The following HPSE2 variants were observed in gnomAD, a reference collection of about 807,000 sequenced individuals.
HPSE2 encodes the protein heparanase 2 (inactive).
In HPSE2, 38 loss-of-function variants were observed where a neutral mutation model predicts 60.5. The observed-to-expected ratio is 0.63, with a 90% confidence interval of 0.48 to 0.82. HPSE2 has a LOEUF of 0.82. Among genes scored for constraint, HPSE2 ranks in the 40% least tolerant of loss-of-function variants. HPSE2 has a pLI of 0.00. For synonymous variants in HPSE2, 295 were observed against 293.2 expected (o/e 1.01, Z -0.06); for missense variants, 713 against 740.4 (o/e 0.96, Z 0.43).
chr10:98,667,018 C>T (rs1947380902), intron 6 of HPSE2, among the ~76,000 whole-genome samples: 1 of 142,676 alleles, frequency 7.0e-6, no homozygotes, highest in Admixed American at 7.5e-5. Context: ...GATTGTTAAA[C>T]ATCTAGCTAG....
At chr10:99,161,704 C>CT (rs1846853800) in intron 2 of HPSE2, among the ~76,000 whole-genome samples, 1 of 152,048 alleles carries the variant, frequency 6.6e-6, no homozygotes, top group Non-Finnish European at 1.5e-5. Flanking sequence ...CCAAAAAAAG[C>CT]TATCAAAAAG....
At chr10:99,001,715 G>A (rs539200119) in intron 3 of HPSE2, among the ~76,000 whole-genome samples, 27 of 152,082 alleles carry the variant, frequency 1.8e-4, no homozygotes, top group African/African-American at 6.0e-4. Context: ...GCTTGTTGAC[G>A]GTACACACCA....
intron 9 of HPSE2, among the ~76,000 whole-genome samples, chr10:98,543,976 A>G (rs11189661): frequency 0.85 from 123,104 of 145,256 alleles, 53,380 homozygotes; most frequent in East Asian, 1. Context: ...TGCACCAAGC[A>G]GACCTAATAG....
chr10:99,295,938 T>C, the HPSE2 span, among the ~76,000 whole-genome samples: 1 of 152,204 alleles, frequency 6.6e-6, no homozygotes, highest in African/African-American at 2.4e-5. Context: ...GTTATCATCT[T>C]AGACAACACT....
rs114040588 is a variant in HPSE2, at chr10:99,217,545, C to T, written c.448+14803G>A. On this transcript the variant is annotated intron_variant, in intron 2 of 11. Transcript: ENST00000370552. The stretch of plus-strand genomic sequence containing the variant: ...TAAATCAAAATGCCTATGCTCCACC[C>T]TAGAGATTGAATTGGCCTAGGACCC... 8.8e-3 allele frequency among the ~76,000 whole-genome samples: 1,336 copies of T among 151,688 alleles called. 18 individuals are homozygous for T. Among genetic ancestry groups the T allele is most frequent in the African/African-American group, 0.029 (1,222 of 41,438 alleles).
At chr10:99,150,439 C>T (rs1014225566) in intron 2 of HPSE2, among the ~76,000 whole-genome samples, 8 of 152,186 alleles carry the variant, frequency 5.3e-5, no homozygotes, top group Non-Finnish European at 1.2e-4. Flanking sequence ...CCACCTCAGA[C>T]TCCCAAACAG....
At chr10:98,518,213 T>C (rs1942666213) in intron 9 of HPSE2, among the ~76,000 whole-genome samples, 1 of 152,258 alleles carries the variant, frequency 6.6e-6, no homozygotes, top group East Asian at 1.9e-4. Context: ...AGGGAGAGTG[T>C]CCACCCATGG....
At chr10:98,686,613 C>T (rs78309702) in intron 6 of HPSE2, among the ~76,000 whole-genome samples, 6,915 of 152,226 alleles carry the variant, frequency 0.045, 244 homozygotes, top group East Asian at 0.12. Context: ...CTATGTTGCT[C>T]AGGTTGGCCT....
chr10:99,029,078 T>A (rs1299810159), intron 3 of HPSE2, among the ~76,000 whole-genome samples: 1 of 152,178 alleles, frequency 6.6e-6, no homozygotes, highest in Non-Finnish European at 1.5e-5. Flanking sequence ...TGGGCAAAGA[T>A]TTCTTGAGCA....
intron 7 of HPSE2, among the ~76,000 whole-genome samples, chr10:98,623,100 T>G (rs894460309): frequency 1.3e-5 from 2 of 152,156 alleles, no homozygotes; most frequent in Admixed American, 6.5e-5. Context: ...AATTTTGTGC[T>G]CTAAGATAGA....
intron 9 of HPSE2, among the ~76,000 whole-genome samples, chr10:98,595,045 C>T (rs554470528): frequency 1.3e-5 from 2 of 151,766 alleles, no homozygotes; most frequent in South Asian, 4.2e-4. Context: ...AGAGATCTTT[C>T]CATTTATTTG....
At chr10:99,141,987 G>A (rs1269081727) in intron 3 of HPSE2, among the ~76,000 whole-genome samples, 1 of 152,142 alleles carries the variant, frequency 6.6e-6, no homozygotes, top group Non-Finnish European at 1.5e-5. Flanking sequence ...TAAATAACTG[G>A]TGGGTAGAGG....
At chr10:98,685,016 T>A (rs1305612909) in intron 6 of HPSE2, among the ~76,000 whole-genome samples, 1 of 152,166 alleles carries the variant, frequency 6.6e-6, no homozygotes, top group Non-Finnish European at 1.5e-5. Flanking sequence ...CCATATTTTA[T>A]TAGAAAAAAT....
intron 2 of HPSE2, among the ~76,000 whole-genome samples, chr10:99,208,691 T>A (rs10883292): frequency 0.44 from 64,278 of 144,500 alleles, 16,326 homozygotes; most frequent in Non-Finnish European, 0.57. Flanking sequence ...TCTCAAAAAA[T>A]AAAAATAAAA....
the HPSE2 span, among the ~76,000 whole-genome samples, chr10:99,282,839 A>C: frequency 1.3e-5 from 2 of 152,300 alleles, no homozygotes; most frequent in Non-Finnish European, 1.5e-5. Context: ...ACCAAAACTT[A>C]CGAGATGCAG....
chr10:98,470,332 T>C (rs528999607), intron 11 of HPSE2, among the ~76,000 whole-genome samples: 1 of 152,256 alleles, frequency 6.6e-6, no homozygotes, highest in East Asian at 1.9e-4. Context: ...AAGTGCAAAG[T>C]GTGGGGTGAC....
intron 2 of HPSE2, among the ~76,000 whole-genome samples, chr10:99,156,775 A>C (rs1200018761): frequency 8.0e-6 from 1 of 124,374 alleles, no homozygotes; most frequent in East Asian, 2.6e-4. Flanking sequence ...AGAAGGAAAT[A>C]AAGGGTATTC....
the HPSE2 span, among the ~76,000 whole-genome samples, chr10:99,274,590 AGT>A: frequency 8.9e-4 from 135 of 152,312 alleles, 1 homozygote; most frequent in Non-Finnish European, 1.5e-3. Context: ...AAATATTTAA[AGT>A]GTTAACCATT....
intron 6 of HPSE2, among the ~76,000 whole-genome samples, chr10:98,644,265 G>C (rs531417190): frequency 3.3e-5 from 5 of 152,244 alleles, no homozygotes; most frequent in African/African-American, 1.2e-4. Context: ...CACGGGACCT[G>C]TCATATAAAA....
Sources: allele counts gnomAD v4.1 joint callset (sites outside exome capture counted in the v4.1 genomes callset), GRCh38; gene constraint gnomAD v4.1.1; transcripts MANE v1.5; gene names NCBI Gene and HGNC (gene_info 2026-07-23, HGNC 2026-07-21).